PUM1: variants seen among roughly 807,000 people sequenced by gnomAD.
The protein encoded by PUM1 is pumilio homolog 1.
Under a neutral mutation model 131.8 loss-of-function variants are expected in PUM1, and 13 were observed. The observed-to-expected ratio is 0.10, with a 90% CI of 0.06 to 0.16. The LOEUF (loss-of-function observed/expected upper bound fraction) is 0.16, where lower values mean the gene tolerates loss of function less well. Ranked by LOEUF, PUM1 falls within the 10% of genes least tolerant of loss-of-function variation. The probability of loss-of-function intolerance (pLI) is 1.00; values close to 1 mark genes in which losing one functional copy is unlikely to be tolerated. For synonymous variants in PUM1, 509 were observed against 556.5 expected, an observed-to-expected ratio of 0.91 and a Z score of 1.20; for missense variants, 961 against 1,512.4, an observed-to-expected ratio of 0.64 and a Z score of 6.05.
intron 2 of PUM1, among the ~76,000 whole-genome samples, chr1:31,053,886 G>C (rs1478983755): frequency 6.6e-6 from 1 of 152,006 alleles, no homozygotes. Flanking sequence ...CCTGAGGTTA[G>C]GAGTTCGAGA....
intron 2 of PUM1, among the ~76,000 whole-genome samples, chr1:31,033,795 A>G (rs1643518009): frequency 6.6e-6 from 1 of 152,042 alleles, no homozygotes; most frequent in African/African-American, 2.4e-5. Context: ...GACACACACC[A>G]CCACACCCAG....
chr1:31,015,443 G>A (rs76024965), intron 3 of PUM1, among the ~76,000 whole-genome samples: 29,742 of 151,524 alleles, frequency 0.2, 3,322 homozygotes, highest in East Asian at 0.53. Flanking sequence ...CTGGGTTCAC[G>A]CCATTCTCCT....
intron 14 of PUM1, among the ~76,000 whole-genome samples, chr1:30,959,238 A>G (rs1312061660): frequency 1.3e-5 from 2 of 152,204 alleles, no homozygotes; most frequent in Non-Finnish European, 2.9e-5. Flanking sequence ...CTTCCAGAAA[A>G]CAGAGAGGGA....
intron 3 of PUM1, among the ~76,000 whole-genome samples, chr1:31,024,306 C>T (rs538684678): frequency 6.6e-6 from 1 of 152,300 alleles, no homozygotes; most frequent in East Asian, 1.9e-4. Context: ...TATCCAATTC[C>T]TCCCTCTATA....
chr1:31,029,842 A>G (rs978879192), intron 2 of PUM1, among the ~76,000 whole-genome samples: 2 of 150,008 alleles, frequency 1.3e-5, no homozygotes, highest in Admixed American at 6.8e-5. Context: ...TAAGCCCAGG[A>G]GCTAGAGGCT....
chr1:30,952,414 G>T (rs1557550762), intron 15 of PUM1, 51 bp from the exon 16 acceptor site: 3 of 1,611,914 alleles, frequency 1.9e-6, no homozygotes, highest in Non-Finnish European at 2.5e-6. Context: ...AAGACCTGGA[G>T]ATACATCAGT....
chr1:31,056,110 T>C (rs901971376), intron 2 of PUM1, among the ~76,000 whole-genome samples: 4 of 152,138 alleles, frequency 2.6e-5, no homozygotes, highest in Non-Finnish European at 5.9e-5. Flanking sequence ...CACCCAGATA[T>C]TCTGCTTCTA....
In PUM1 at chr1:30,945,443, C is replaced by T. The variant is rs747021152; in HGVS notation, c.2897G>A (p.Cys966Tyr). The change falls in exon 18 of 22, where the codon TGT becomes TAT. Residue 966 changes from cysteine to tyrosine, a missense_variant. Cys to Tyr is a radical substitution (Grantham distance 194). Coordinates refer to ENST00000426105, the MANE Select transcript of PUM1 (RefSeq NM_001020658.2). ...VRELDGHVLKCVKDQNGNHVV... is the reference protein window; with the variant it reads ...VRELDGHVLKYVKDQNGNHVV... ...GTGATTGCCATTCTGATCTTTCACA[C>T]ACTTCAAGACATGGCCATCTAGTTC... The T allele has an allele frequency of 6.2e-7, 1 of 1,614,190 alleles. No individual in the cohort carries two copies. Among genetic ancestry groups the T allele is most frequent in the East Asian group, 2.2e-5 (1 of 44,880 alleles).
chr1:31,036,913 G>GT (rs1570323471), intron 2 of PUM1: 2 of 155,864 alleles, frequency 1.3e-5, no homozygotes, highest in East Asian at 3.8e-4. Context: ...GAAGATAAGA[G>GT]TAATTGATGA....
rs184291162 is a variant in PUM1 at position 31,007,712 on chromosome 1, C to A, written c.433-610G>T. ...TGGAAGGGAAATAAAATCTTCTAAC[C>A]TCCATTAATTTTTTAACAATACTTG... On this transcript the variant is annotated intron_variant, in intron 3 of 21. Transcript: ENST00000426105. Among the ~76,000 whole-genome samples the A allele has an allele frequency of 7.2e-5, 11 of 152,276 alleles. No individual in the cohort carries two copies. The East Asian group carries it at 1.9e-3, about 27-fold the overall frequency.
At position 30,957,802 on chromosome 1, in the gene PUM1, G is replaced by A. The variant is rs568658589; in HGVS notation, c.2324-3821C>T. ...TAAAGAAAAATTCCCATGGTCCCCA[G>A]TATCTAGTTCTGTGTTTAATACAAC... On this transcript the variant is annotated intron_variant, in intron 14 of 21. Transcript: ENST00000426105. Among the ~76,000 whole-genome samples, 26 of 152,286 alleles carry A rather than the reference G, an allele frequency of 1.7e-4. No individual in the cohort carries two copies. In the South Asian group the frequency reaches 5.2e-3, roughly 30 times the overall value.
At chr1:30,947,332 T>C (rs1050095811) in intron 17 of PUM1, among the ~76,000 whole-genome samples, 7 of 152,206 alleles carry the variant, frequency 4.6e-5, no homozygotes, top group African/African-American at 1.4e-4. Context: ...GTGACAGAAT[T>C]AGAATTCTAG....
At position 31,049,828 on chromosome 1, in the gene PUM1, T is replaced by C. The variant is rs1184726564; in HGVS notation, c.363+9376A>G. On this transcript the variant is annotated intron_variant, in intron 2 of 21. Coordinates refer to ENST00000426105, the MANE Select transcript of PUM1 (RefSeq NM_001020658.2). Reference sequence around the variant, plus strand: ...AGAGCATCTGACTGAACTTCCTTTTTTTTTTTTTTTTTTTTTTTTGAGACA... The same window carrying C: ...AGAGCATCTGACTGAACTTCCTTTTCTTTTTTTTTTTTTTTTTTTGAGACA... 3.9e-5 allele frequency among the ~76,000 whole-genome samples: 5 copies of C among 128,064 alleles called. No homozygotes were observed. The East Asian group carries it at 1.2e-3, about 31-fold the overall frequency. The allele number at this position is 128,064 out of a possible 152,430, so 84.0% of individuals were successfully genotyped here.
At position 30,937,730 on chromosome 1, in the gene PUM1, A is replaced by T. The variant is rs145501805; in HGVS notation, c.3243-895T>A. ...CTTGAAAATAGATCAATAGAAGTAA[A>T]CAAAAAAATACATCAGTGGCTTTCA... On this transcript the variant is annotated intron_variant, in intron 20 of 21. Transcript: ENST00000426105. 2.4e-3 allele frequency among the ~76,000 whole-genome samples: 360 copies of T among 152,250 alleles called. 2 individuals are homozygous for T. The highest frequency in any genetic ancestry group is 7.8e-3 in the African/African-American group (326 of 41,556).
chr1:31,021,844 T>C (rs1397768842), intron 3 of PUM1, among the ~76,000 whole-genome samples: 1 of 152,094 alleles, frequency 6.6e-6, no homozygotes, highest in Non-Finnish European at 1.5e-5. Context: ...ACTGTGAATA[T>C]GCAGAAACCA....
At chr1:31,020,610 C>A (rs910075933) in intron 3 of PUM1, among the ~76,000 whole-genome samples, 1 of 152,088 alleles carries the variant, frequency 6.6e-6, no homozygotes, top group Non-Finnish European at 1.5e-5. Flanking sequence ...AACAGCCCGA[C>A]TGAGATAACA....
intron 3 of PUM1, among the ~76,000 whole-genome samples, chr1:31,021,382 G>T (rs1360951827): frequency 6.6e-6 from 1 of 152,146 alleles, no homozygotes. Context: ...TCCCTTGGGG[G>T]ATAGACAAGG....
chr1:30,990,754 T>C (rs1170076008), intron 7 of PUM1, among the ~76,000 whole-genome samples: 1 of 152,242 alleles, frequency 6.6e-6, no homozygotes, highest in African/African-American at 2.4e-5. Flanking sequence ...GTGGTATGTC[T>C]GTGTAAAAAT....
intron 21 of PUM1, 112 bp from the exon 22 acceptor site, chr1:30,933,454 AC>A (rs1639050840): frequency 2.7e-6 from 2 of 744,958 alleles, no homozygotes; most frequent in Non-Finnish European, 4.4e-6. Context: ...ACACACACAC[AC>A]ACACACACAC....
Sources: gnomAD v4.1 joint callset for allele counts (sites outside exome capture counted in the v4.1 genomes callset) on GRCh38, gnomAD v4.1.1 for gene constraint, MANE v1.5 for transcripts, NCBI Gene and HGNC (gene_info 2026-07-23, HGNC 2026-07-21) for gene names.